Variants in ITGA8 observed in about 807,000 individuals in gnomAD.
The protein encoded by ITGA8 is integrin alpha-8.
In ITGA8, 91 loss-of-function variants were observed where a neutral mutation model predicts 142.3. The ratio of observed to expected loss-of-function variants is 0.64; its 90% CI spans 0.54 to 0.76. The LOEUF (loss-of-function observed/expected upper bound fraction) is 0.76, where lower values mean the gene tolerates loss of function less well. ITGA8 is among the 30% of genes least tolerant of loss of function. ITGA8 has a pLI of 0.00. For synonymous variants in ITGA8, 505 were observed against 485.2 expected, an observed-to-expected ratio of 1.04 and a Z score of -0.54; for missense variants, 1,406 against 1,327.7, an observed-to-expected ratio of 1.06 and a Z score of -0.92.
chr10:15,535,946 C>T (rs1350639217), intron 27 of ITGA8, among the ~76,000 whole-genome samples: 2 of 152,006 alleles, frequency 1.3e-5, no homozygotes, highest in African/African-American at 2.4e-5. Flanking sequence ...ACAAACCCAC[C>T]GGGAGGAACG....
In ITGA8 at chr10:15,684,085, G is replaced by T. The variant is rs1484653666; in HGVS notation, c.487C>A (p.Pro163Thr). 6 of 1,613,968 alleles carry T rather than the reference G, an allele frequency of 3.7e-6. 1 individual carries two copies. In the African/African-American group the frequency reaches 8.0e-5, roughly 22 times the overall value. Residue 163 changes from proline to threonine, a missense_variant, in exon 4 of 30, where the codon CCA becomes ACA. Physicochemically the swap from Pro to Thr is conservative, Grantham distance 38. Coordinates refer to ENST00000378076, the MANE Select transcript of ITGA8 (RefSeq NM_003638.3). ...CAGGTGCCAACTGGGTCCTTTTCTG[G>T]TGTCGGTTTAAGAGTTCTCCAGTGA... ...LYHWRTLKPT[P>T]EKDPVGTCYV...
rs532897031 is a variant in ITGA8, at chr10:15,606,160, C to T, written c.1902+125G>A. On this transcript the variant is annotated intron_variant, in intron 18 of 29. Coordinates refer to ENST00000378076, the MANE Select transcript of ITGA8 (RefSeq NM_003638.3). ...TCAGGAAACATGGTAGGAAAACTCC[C>T]AAATGTTCCATGTCTGCATGCAGAA... The T allele has an allele frequency of 1.1e-5, 9 of 825,312 alleles. No individual in the cohort carries two copies. In the Admixed American group the frequency reaches 1.3e-4, roughly 12 times the overall value. 51.1% of individuals were successfully genotyped at this position (825,312 alleles called of 1,614,324 possible).
chr10:15,678,115 T>G (rs1316866156), intron 5 of ITGA8, among the ~76,000 whole-genome samples: 1 of 152,146 alleles, frequency 6.6e-6, no homozygotes, highest in Non-Finnish European at 1.5e-5. Flanking sequence ...ATAAACATTT[T>G]CTCATGAATT....
intron 28 of ITGA8, among the ~76,000 whole-genome samples, chr10:15,530,154 T>A (rs901641625): frequency 6.6e-6 from 1 of 152,238 alleles, no homozygotes; most frequent in Non-Finnish European, 1.5e-5. Flanking sequence ...TTCATTCCTT[T>A]ATCCCCTTTG....
intron 23 of ITGA8, 114 bp downstream of exon 23, chr10:15,586,470 C>A (rs1832835038): frequency 9.7e-6 from 6 of 618,246 alleles, no homozygotes; most frequent in Non-Finnish European, 1.5e-5. Flanking sequence ...AATTAATATC[C>A]AAAATGAACT....
At chr10:15,564,933 G>T (rs1053374177) in intron 25 of ITGA8, among the ~76,000 whole-genome samples, 2 of 152,188 alleles carry the variant, frequency 1.3e-5, no homozygotes, top group Non-Finnish European at 1.5e-5. Context: ...TTGAGGATTT[G>T]TAGGGAAAGA....
chr10:15,694,316 T>C (rs1329783845), intron 2 of ITGA8, among the ~76,000 whole-genome samples: 3 of 93,382 alleles, frequency 3.2e-5, no homozygotes, highest in East Asian at 2.7e-4. Flanking sequence ...TAATATATCA[T>C]ATATATGATA....
chr10:15,646,699 C>A, intron 12 of ITGA8, 147 bp downstream of exon 12: 1 of 576,756 alleles, frequency 1.7e-6, no homozygotes, highest in South Asian at 2.7e-5. Context: ...AAACGTAAAG[C>A]TGCCTTGAGA....
intron 13 of ITGA8, among the ~76,000 whole-genome samples, chr10:15,626,293 C>T (rs550895755): frequency 1.3e-5 from 2 of 152,242 alleles, no homozygotes; most frequent in African/African-American, 4.8e-5. Flanking sequence ...AGTGCAATGG[C>T]TCACTGCAAC....
chr10:15,617,470 C>T lies in ITGA8; in HGVS notation c.1400-911G>A, dbSNP rs540813146. 6.6e-5 allele frequency among the ~76,000 whole-genome samples: 10 copies of T among 151,922 alleles called. No homozygotes were observed. The East Asian group carries it at 1.9e-3, about 29-fold the overall frequency. On this transcript the variant is annotated intron_variant, in intron 13 of 29. Coordinates refer to ENST00000378076, the MANE Select transcript of ITGA8 (RefSeq NM_003638.3). ...CTGGAGTGCCGTGGTGCAATCTCGG[C>T]TCACTGAAACCTCCATCTTCAGGGT... is the stretch of plus-strand genomic sequence containing the variant.
In ITGA8 at chr10:15,514,962, G is replaced by C. The variant is rs538340573; in HGVS notation, c.*2196C>G. On this transcript the variant is annotated 3_prime_UTR_variant, in exon 30 of 30. Coordinates refer to ENST00000378076, the MANE Select transcript of ITGA8 (RefSeq NM_003638.3). ...TATCTGCATAAACTATCTCAACAGG[G>C]GTCTTTTTTTATGTAACCCTAAGAG... 1.1e-4 allele frequency: 17 copies of C among 152,174 alleles called. No homozygotes were observed. The highest frequency in any genetic ancestry group is 3.9e-4 in the African/African-American group (16 of 41,510). 9.4% of individuals were successfully genotyped at this position (152,174 alleles called of 1,614,324 possible).
At chr10:15,563,666 G>A (rs1457041786) in intron 25 of ITGA8, among the ~76,000 whole-genome samples, 2 of 152,148 alleles carry the variant, frequency 1.3e-5, no homozygotes, top group African/African-American at 4.8e-5. Context: ...GGTAATCCCA[G>A]CACTTTGGGA....
chr10:15,699,423 A>G (rs908250017), intron 2 of ITGA8, among the ~76,000 whole-genome samples: 4 of 152,256 alleles, frequency 2.6e-5, no homozygotes, highest in Non-Finnish European at 4.4e-5. Context: ...AGATACATAG[A>G]TATATAGAAA....
At chr10:15,590,149 C>G (rs1177853342) in intron 22 of ITGA8, among the ~76,000 whole-genome samples, 2 of 152,128 alleles carry the variant, frequency 1.3e-5, no homozygotes, top group African/African-American at 4.8e-5. Context: ...TTCTGCATTT[C>G]TGCATCTTTA....
chr10:15,549,201 G>GGTTTTTTTTTTTTT (rs1833740956), intron 26 of ITGA8, among the ~76,000 whole-genome samples: 1 of 107,342 alleles, frequency 9.3e-6, no homozygotes, highest in African/African-American at 5.4e-5. Context: ...TTTCTTTTCT[G>GGTTTTTTTTTTTTT]TTTTTTTTTT....
intron 10 of ITGA8, among the ~76,000 whole-genome samples, chr10:15,658,506 TC>T (rs1407849351): frequency 2.0e-5 from 3 of 149,842 alleles, no homozygotes; most frequent in African/African-American, 7.3e-5. Context: ...TGGCCTTCAC[TC>T]TGCTCTTCAC....
chr10:15,667,620 A>G (rs1834421545), intron 8 of ITGA8, among the ~76,000 whole-genome samples: 1 of 151,730 alleles, frequency 6.6e-6, no homozygotes. Context: ...TAGGGTGTCA[A>G]TTTTAGATCT....
At position 15,680,216 on chromosome 10, in the gene ITGA8, C is replaced by CTTTTTTTTTT. The variant is rs71374638; in HGVS notation, c.569-1443_569-1434dup. ...CACCATCAATTTTTTCCAGATGCTC[C>CTTTTTTTTTT]TTTTTTTTTTTTTTTTTTTTTTTTT... is the stretch of plus-strand genomic sequence containing the variant. On this transcript the variant is annotated intron_variant, in intron 4 of 29. Transcript: ENST00000378076. Among the ~76,000 whole-genome samples the CTTTTTTTTTT allele has an allele frequency of 5.9e-4, 32 of 54,276 alleles. 4 individuals are homozygous for CTTTTTTTTTT. Among genetic ancestry groups the CTTTTTTTTTT allele is most frequent in the African/African-American group, 2.6e-3 (31 of 12,064 alleles). 35.6% of individuals were successfully genotyped at this position (54,276 alleles called of 152,430 possible).
chr10:15,618,328 G>A (rs1213947874), intron 13 of ITGA8, among the ~76,000 whole-genome samples: 7 of 152,146 alleles, frequency 4.6e-5, no homozygotes, highest in South Asian at 2.1e-4. Context: ...CTAGCACAAC[G>A]CGAATGAAAA....
Sources: allele counts gnomAD v4.1 joint callset (sites outside exome capture counted in the v4.1 genomes callset), GRCh38; gene constraint gnomAD v4.1.1; transcripts MANE v1.5; gene names NCBI Gene and HGNC (gene_info 2026-07-23, HGNC 2026-07-21).